The following AMBN variants were observed in gnomAD, a reference collection of about 807,000 sequenced individuals.
The protein encoded by AMBN is enamel matrix protein.
AMBN carries 54 observed loss-of-function variants against 48.0 expected under a neutral mutation model. That is an observed-to-expected ratio of 1.12 (90% CI 0.90 to 1.41). AMBN has a LOEUF of 1.41. Ranked by LOEUF, AMBN falls within the 40% of genes most tolerant of loss-of-function variation. AMBN has a pLI of 0.00. For synonymous variants in AMBN, 186 were observed against 190.0 expected (o/e 0.98, Z 0.17); for missense variants, 571 against 547.3 (o/e 1.04, Z -0.43).
intron 3 of AMBN, among the ~76,000 whole-genome samples, chr4:70,598,046 C>T (rs111711924): frequency 2.0e-5 from 3 of 152,082 alleles, no homozygotes; most frequent in Non-Finnish European, 4.4e-5. Flanking sequence ...AAGCAAAGTC[C>T]TCACAATTAC....
intron 2 of AMBN, among the ~76,000 whole-genome samples, chr4:70,595,087 C>CCACATA (rs1737358773): frequency 6.6e-6 from 1 of 152,072 alleles, no homozygotes; most frequent in Non-Finnish European, 1.5e-5. Context: ...AAGCTAACCA[C>CCACATA]CACATACACA....
At chr4:70,603,759 C>T in intron 11 of AMBN, 118 bp from the exon 12 acceptor site, 2 of 1,064,400 alleles carry the variant, frequency 1.9e-6, no homozygotes, top group South Asian at 1.4e-5. Flanking sequence ...TCCACTTTGC[C>T]TCTGTACACA....
chr4:70,597,963 G>GTTTT (rs942743456), intron 3 of AMBN, among the ~76,000 whole-genome samples: 1 of 151,970 alleles, frequency 6.6e-6, no homozygotes, highest in Admixed American at 6.6e-5. Context: ...TGTCTTGTTT[G>GTTTT]TTTGTTTCAA....
chr4:70,594,591 A>G (rs926636193), intron 2 of AMBN, among the ~76,000 whole-genome samples: 2 of 152,230 alleles, frequency 1.3e-5, no homozygotes, highest in African/African-American at 4.8e-5. Context: ...GAAATGGAGA[A>G]AGAGGTTGAA....
At chr4:70,594,181 A>G (rs1737341269) in intron 2 of AMBN, among the ~76,000 whole-genome samples, 1 of 152,236 alleles carries the variant, frequency 6.6e-6, no homozygotes, top group African/African-American at 2.4e-5. Flanking sequence ...TACCTTGTAA[A>G]CATGAAATTG....
intron 3 of AMBN, among the ~76,000 whole-genome samples, chr4:70,598,083 T>C (rs887247034): frequency 6.6e-6 from 1 of 152,210 alleles, no homozygotes; most frequent in African/African-American, 2.4e-5. Context: ...AATGAGCTAT[T>C]TTCCCATGTT....
intron 5 of AMBN, 73 bp downstream of exon 5, chr4:70,599,719 T>C (rs2109802171): frequency 8.5e-7 from 1 of 1,174,106 alleles, no homozygotes; most frequent in East Asian, 2.5e-5. Flanking sequence ...CTTTAAGTTA[T>C]GATATATTAG....
chr4:70,596,940 T>C, intron 2 of AMBN, 59 bp from the exon 3 acceptor site: 2 of 1,492,162 alleles, frequency 1.3e-6, no homozygotes, highest in South Asian at 2.3e-5. Flanking sequence ...CTACGCCCAA[T>C]GGGCATTGAA....
chr4:70,595,210 T>A (rs1737361274), intron 2 of AMBN, among the ~76,000 whole-genome samples: 1 of 150,066 alleles, frequency 6.7e-6, no homozygotes, highest in Non-Finnish European at 1.5e-5. Context: ...TTTTTTTTTT[T>A]ACAGTCTGGC....
intron 4 of AMBN, among the ~76,000 whole-genome samples, chr4:70,599,218 G>T (rs913502352): frequency 6.6e-6 from 1 of 152,032 alleles, no homozygotes; most frequent in African/African-American, 2.4e-5. Flanking sequence ...CAAGGTGGGC[G>T]GATCATGAGG....
chr4:70,596,889 T>A (rs956440060), intron 2 of AMBN, 110 bp from the exon 3 acceptor site: 22 of 774,410 alleles, frequency 2.8e-5, no homozygotes, highest in Middle Eastern at 4.7e-4. Flanking sequence ...TAAACCAAAA[T>A]GGTGGCCTCT....
chr4:70,606,200 C>T lies in AMBN; in HGVS notation c.814C>T (p.Pro272Ser), dbSNP rs1482656117. The change falls in exon 13 of 13, where the codon CCA (proline) becomes TCA (serine). Residue 272 changes from proline to serine, a missense_variant. Coordinates refer to ENST00000322937, the MANE Select transcript of AMBN (RefSeq NM_016519.6). The stretch of plus-strand genomic sequence containing the variant: ...TTTTTTCCAGGGCGGGAGAGAAGAC[C>T]CAATGGCCTATGGAGCCATGTTTCC... ...SEEVAGGRED[P>S]MAYGAMFPGF... 20 of 1,613,860 alleles carry T rather than the reference C, an allele frequency of 1.2e-5. No individual in the cohort carries two copies. Among genetic ancestry groups the T allele is most frequent in the Non-Finnish European group, 1.6e-5 (19 of 1,179,954 alleles).
rs764712520 is a variant in AMBN at position 70,606,710 on chromosome 4, T to C, written c.1324T>C (p.Trp442Arg). ...GGAGCCCGAGATGATGCATGACGCA[T>C]GGCATTTCCAAGAGCCCTGACAGCT... ...AQEPEMMHDA[W>R]HFQEP is the part of the protein sequence containing the mutation. The change falls in exon 13 of 13, where the codon TGG becomes CGG. Residue 442 changes from tryptophan (W) to arginine (R), a missense_variant. By Grantham distance (101) the Trp-to-Arg change is moderately radical (BLOSUM62 -3). Coordinates refer to ENST00000322937, the MANE Select transcript of AMBN (RefSeq NM_016519.6). The C allele has an allele frequency of 3.1e-6, 5 of 1,612,768 alleles. No individual in the cohort carries two copies. Among genetic ancestry groups the C allele is most frequent in the South Asian group, 1.1e-5 (1 of 90,904 alleles).
chr4:70,595,856 C>A (rs1737373096), intron 2 of AMBN, among the ~76,000 whole-genome samples: 2 of 151,880 alleles, frequency 1.3e-5, no homozygotes, highest in Admixed American at 6.6e-5. Flanking sequence ...AACAAAAAAA[C>A]AAAAAACAAA....
intron 6 of AMBN, 49 bp from the exon 7 acceptor site, chr4:70,602,575 A>G (rs776099092): frequency 1.5e-6 from 2 of 1,363,614 alleles, no homozygotes; most frequent in Non-Finnish European, 1.0e-6. Flanking sequence ...CACTTTGTCT[A>G]TTTTGTTTAT....
rs1251719634 is a variant in AMBN at position 70,603,445 on chromosome 4, T to G, written c.738T>G (p.Phe246Leu). ...PLYPGMLYVP[F>L]GANQLNAPAR... ...ATCCAGGAATGTTGTACGTGCCTTT[T>G]GGAGCAAATCAATTGGTAAGTCCAT... is the stretch of plus-strand genomic sequence containing the variant. The change falls in exon 11 of 13, where the codon TTT (phenylalanine) becomes TTG (leucine). Residue 246 changes from phenylalanine (F) to leucine (L), a missense_variant. Physicochemically the swap from Phe to Leu is conservative, Grantham distance 22. Coordinates refer to ENST00000322937, the MANE Select transcript of AMBN (RefSeq NM_016519.6). 3 of 1,612,622 alleles carry G rather than the reference T, an allele frequency of 1.9e-6. No homozygotes were observed. The highest frequency in any genetic ancestry group is 2.5e-6 in the Non-Finnish European group (3 of 1,179,780).
At chr4:70,593,672 C>T (rs1737325769) in intron 2 of AMBN, among the ~76,000 whole-genome samples, 1 of 152,096 alleles carries the variant, frequency 6.6e-6, no homozygotes, top group Non-Finnish European at 1.5e-5. Context: ...TGAGACCAGC[C>T]TAGCCAACAT....
chr4:70,606,637 G>A lies in AMBN; in HGVS notation c.1251G>A (p.Thr417=), dbSNP rs570826995. Residue 417 remains threonine (T), a synonymous_variant, in exon 13 of 13, where the codon ACG becomes ACA. Transcript: ENST00000322937. ...AGGAAGAAGCAACCATGGATACCAC[G>A]ATGGCCCCAAACTCTCTGCAAACAT... ...DFQEEATMDT[T]MAPNSLQTSM... 72 of 1,614,056 alleles carry A rather than the reference G, an allele frequency of 4.5e-5. No homozygotes were observed. The highest frequency in any genetic ancestry group is 4.5e-4 in the East Asian group (20 of 44,860).
At chr4:70,594,227 TATC>T (rs1158733972) in intron 2 of AMBN, among the ~76,000 whole-genome samples, 1 of 152,216 alleles carries the variant, frequency 6.6e-6, no homozygotes, top group East Asian at 1.9e-4. Context: ...AATCAAAACA[TATC>T]ATAGTGATGG....
Sources: gnomAD v4.1 joint callset for allele counts (sites outside exome capture counted in the v4.1 genomes callset) on GRCh38, gnomAD v4.1.1 for gene constraint, MANE v1.5 for transcripts, NCBI Gene and HGNC (gene_info 2026-07-23, HGNC 2026-07-21) for gene names.